TNPO1: variants seen among roughly 807,000 people sequenced by gnomAD.
The protein encoded by TNPO1 is transportin 1, also known as transportin-1.
Under a neutral mutation model 119.5 loss-of-function variants are expected in TNPO1, and 8 were observed. That is an observed-to-expected ratio of 0.07 (90% CI 0.04 to 0.12). The LOEUF (loss-of-function observed/expected upper bound fraction) is 0.12. Ranked by LOEUF, TNPO1 falls within the 10% of genes least tolerant of loss-of-function variation. The pLI is 1.00. For synonymous variants in TNPO1, 362 were observed against 363.0 expected, an observed-to-expected ratio of 1.00 and a Z score of 0.03; for missense variants, 576 against 1,089.8, an observed-to-expected ratio of 0.53 and a Z score of 6.64.
intron 4 of TNPO1, among the ~76,000 whole-genome samples, chr5:72,860,957 G>T (rs1229778102): frequency 6.6e-6 from 1 of 150,844 alleles, no homozygotes; most frequent in Non-Finnish European, 1.5e-5. Flanking sequence ...TTGTTGCCCA[G>T]ACTGGAGTGC....
chr5:72,820,347 C>G (rs1298752771), intron 1 of TNPO1, among the ~76,000 whole-genome samples: 1 of 152,160 alleles, frequency 6.6e-6, no homozygotes, highest in Non-Finnish European at 1.5e-5. Context: ...ATGGTCCATA[C>G]TGCAAATTGC....
chr5:72,865,067 CATTT>C (rs780267852), intron 5 of TNPO1, among the ~76,000 whole-genome samples: 7 of 152,190 alleles, frequency 4.6e-5, no homozygotes, highest in Admixed American at 1.3e-4. Flanking sequence ...ACTTCTAAGT[CATTT>C]AATGCTAAAA....
At chr5:72,881,753 CA>C (rs1359667628) in intron 9 of TNPO1, among the ~76,000 whole-genome samples, 2 of 152,180 alleles carry the variant, frequency 1.3e-5, no homozygotes, top group Non-Finnish European at 2.9e-5. Flanking sequence ...ATAGTAATTT[CA>C]TATGAGCTGT....
Position 72,900,976 on chromosome 5 carries a change from G to A in TNPO1, c.2417G>A (p.Cys806Tyr), listed in dbSNP as rs1561360334. The A allele has an allele frequency of 6.2e-7, 1 of 1,604,804 alleles. No homozygotes were observed. Among genetic ancestry groups the A allele is most frequent in the Non-Finnish European group, 8.5e-7 (1 of 1,175,746 alleles). The change falls in exon 22 of 25, where the codon TGC (cysteine) becomes TAC (tyrosine). Residue 806 changes from cysteine (C) to tyrosine (Y), a missense_variant and splice_region_variant. Physicochemically the swap from Cys to Tyr is radical, Grantham distance 194. Around this residue, in one of 6 missense-constraint regions of TNPO1, gnomAD observed 162 missense variants for 294.1 expected, o/e 0.55. Transcript: ENST00000337273. ...PMLQQFIRPW[C>Y]TSLRNIRDNE... ...AACTCAATTCTGTAATTCAATAGGT[G>A]CACCTCTCTGAGAAACATAAGAGAC... is the stretch of plus-strand genomic sequence containing the variant.
chr5:72,860,973 C>T (rs552154030), intron 4 of TNPO1, among the ~76,000 whole-genome samples: 3 of 151,098 alleles, frequency 2.0e-5, no homozygotes, highest in African/African-American at 7.3e-5. Context: ...AGTGCAGTGG[C>T]GTGATCTCGG....
rs1306650009 is a variant in TNPO1, at chr5:72,912,269, T to C, written c.*3596T>C. 2 of 152,514 alleles carry C rather than the reference T, an allele frequency of 1.3e-5. No homozygotes were observed. Among genetic ancestry groups the C allele is most frequent in the Non-Finnish European group, 2.9e-5 (2 of 67,930 alleles). The allele number at this position is 152,514 out of a possible 1,614,324, so 9.4% of individuals were successfully genotyped here. ...TTAAAAACAAAACAAGTAGCATACA[T>C]TTTGTAATTAACATTGATAAACACT... On this transcript the variant is annotated 3_prime_UTR_variant, in exon 25 of 25. Coordinates refer to ENST00000337273, the MANE Select transcript of TNPO1 (RefSeq NM_002270.4).
chr5:72,843,764 T>A (rs1745014386), intron 1 of TNPO1, among the ~76,000 whole-genome samples: 1 of 152,156 alleles, frequency 6.6e-6, no homozygotes, highest in Admixed American at 6.5e-5. Context: ...GATAGAAACA[T>A]CTAACTTTGA....
intron 1 of TNPO1, 168 bp from the exon 2 acceptor site, chr5:72,848,217 A>T (rs1305946601): frequency 8.1e-6 from 10 of 1,241,638 alleles, no homozygotes; most frequent in Non-Finnish European, 1.0e-5. Flanking sequence ...GCCGGGTTTC[A>T]CTGTCCGTGA....
At chr5:72,900,764 A>T (rs62360685) in intron 21 of TNPO1, 46,800 of 361,876 alleles carry the variant, frequency 0.13, 3,522 homozygotes, top group Non-Finnish European at 0.16. Flanking sequence ...TTATTAAGAA[A>T]ATGTGGATTT....
chr5:72,840,202 A>G (rs1022479380), intron 1 of TNPO1, among the ~76,000 whole-genome samples: 1 of 152,164 alleles, frequency 6.6e-6, no homozygotes. Context: ...TGAGAATAAT[A>G]TGGCAGAGTA....
intron 7 of TNPO1, among the ~76,000 whole-genome samples, chr5:72,873,302 T>G (rs895576792): frequency 6.6e-6 from 1 of 152,130 alleles, no homozygotes; most frequent in Non-Finnish European, 1.5e-5. Context: ...TGATAACAAT[T>G]AAAAGGATTG....
intron 1 of TNPO1, among the ~76,000 whole-genome samples, chr5:72,836,037 G>A (rs1744680016): frequency 6.6e-6 from 1 of 152,240 alleles, no homozygotes; most frequent in Non-Finnish European, 1.5e-5. Flanking sequence ...CTGTCCCCAT[G>A]GCTTTGCTGG....
At chr5:72,875,776 C>T (rs1747717633) in intron 8 of TNPO1, 39 bp downstream of exon 8, 3 of 1,574,166 alleles carry the variant, frequency 1.9e-6, no homozygotes, top group Admixed American at 3.4e-5. Flanking sequence ...ATCATCTTTC[C>T]CCTAAGAGAA....
intron 4 of TNPO1, among the ~76,000 whole-genome samples, chr5:72,856,902 AC>A (rs770045123): frequency 3.9e-5 from 6 of 152,232 alleles, no homozygotes; most frequent in Non-Finnish European, 7.3e-5. Flanking sequence ...AGAGGAGCGT[AC>A]TAATGGGCAG....
intron 24 of TNPO1, among the ~76,000 whole-genome samples, chr5:72,908,167 T>C (rs1229935698): frequency 5.3e-5 from 8 of 152,216 alleles, no homozygotes; most frequent in Admixed American, 4.6e-4. Context: ...TGAACACTTC[T>C]AGTGCCTTCT....
At chr5:72,895,482 G>A (rs897166864) in intron 18 of TNPO1, among the ~76,000 whole-genome samples, 3 of 151,942 alleles carry the variant, frequency 2.0e-5, no homozygotes, top group Admixed American at 2.0e-4. Flanking sequence ...CTGGAGAGGT[G>A]CCATTGATGT....
chr5:72,913,888 C>T lies in TNPO1; in HGVS notation c.*5215C>T, dbSNP rs1197015146. On this transcript the variant is annotated 3_prime_UTR_variant, in exon 25 of 25. Coordinates refer to ENST00000337273, the MANE Select transcript of TNPO1 (RefSeq NM_002270.4). Reference sequence around the variant, plus strand: ...TAATTAGTTTTACTTAATAGATTATCATCTTGTGAGAAGAGATGTTTAAAC... The same window carrying T: ...TAATTAGTTTTACTTAATAGATTATTATCTTGTGAGAAGAGATGTTTAAAC... 1.3e-5 allele frequency: 2 copies of T among 151,080 alleles called. No homozygotes were observed. The highest frequency in any genetic ancestry group is 2.1e-4 in the South Asian group (1 of 4,802). 9.4% of individuals were successfully genotyped at this position (151,080 alleles called of 1,614,324 possible). A position where few individuals can be genotyped will look rare whatever the true frequency, so the allele number is the denominator to read the frequency against.
intron 14 of TNPO1, among the ~76,000 whole-genome samples, chr5:72,890,836 G>A (rs1315300557): frequency 2.0e-5 from 3 of 152,164 alleles, no homozygotes; most frequent in South Asian, 2.1e-4. Context: ...CATATTACAC[G>A]TTACAGTTCC....
intron 14 of TNPO1, among the ~76,000 whole-genome samples, chr5:72,891,018 C>T (rs1304558676): frequency 6.6e-6 from 1 of 151,970 alleles, no homozygotes; most frequent in African/African-American, 2.4e-5. Flanking sequence ...CATTCCTGGC[C>T]AACTTTTTGT....
Sources: gnomAD v4.1 joint callset for allele counts (sites outside exome capture counted in the v4.1 genomes callset) on GRCh38, gnomAD v4.1.1 for gene constraint, gnomAD v4.1.1 regional missense constraint, MANE v1.5 for transcripts, NCBI Gene and HGNC (gene_info 2026-07-23, HGNC 2026-07-21) for gene names.